RNGTT: variants seen among roughly 807,000 people sequenced by gnomAD.
The protein encoded by RNGTT is mRNA-capping enzyme.
Under a neutral mutation model 79.3 loss-of-function variants are expected in RNGTT, and 33 were observed. That is an observed-to-expected ratio of 0.42 (90% confidence interval 0.32 to 0.56). RNGTT has a LOEUF of 0.56. Ranked by LOEUF, RNGTT falls within the 20% of genes least tolerant of loss-of-function variation. RNGTT has a pLI of 0.17. For synonymous variants in RNGTT, 222 were observed against 235.9 expected (o/e 0.94, Z 0.54); for missense variants, 497 against 739.1 (o/e 0.67, Z 3.80).
In RNGTT at chr6:88,891,919, TAA is replaced by T; in HGVS notation, c.685-6_685-5del. ...CACCTTCCAAGAAAATAGCGCCCTT[TAA>T]AAAAAAAATAAGAAAAATAAGGGAA... On this transcript the variant is annotated splice_polypyrimidine_tract_variant and splice_region_variant and intron_variant, in intron 6 of 15. Transcript: ENST00000369485. 10 of 1,331,540 alleles carry T rather than the reference TAA, an allele frequency of 7.5e-6. No individual in the cohort carries two copies. Among genetic ancestry groups the T allele is most frequent in the Non-Finnish European group, 9.1e-6 (9 of 993,536 alleles). 82.5% of individuals were successfully genotyped at this position (1,331,540 alleles called of 1,614,324 possible). A position where few individuals can be genotyped will look rare whatever the true frequency, so the allele number is the denominator to read the frequency against.
At chr6:88,736,022 T>G (rs1777272951) in intron 13 of RNGTT, among the ~76,000 whole-genome samples, 1 of 152,034 alleles carries the variant, frequency 6.6e-6, no homozygotes, top group Non-Finnish European at 1.5e-5. Flanking sequence ...ACATGGATAT[T>G]AAAAGGATAA....
intron 1 of RNGTT, among the ~76,000 whole-genome samples, chr6:88,960,662 T>A (rs1785585716): frequency 6.6e-6 from 1 of 152,206 alleles, no homozygotes; most frequent in South Asian, 2.1e-4. Flanking sequence ...TCACCTGAAA[T>A]CTATTAACTC....
chr6:88,949,883 G>C (rs1785183879), intron 1 of RNGTT, among the ~76,000 whole-genome samples: 1 of 152,206 alleles, frequency 6.6e-6, no homozygotes. Context: ...TAAACAGCAG[G>C]ATTTCAGTGT....
At chr6:88,889,699 G>T (rs985203061) in intron 8 of RNGTT, among the ~76,000 whole-genome samples, 3 of 151,996 alleles carry the variant, frequency 2.0e-5, no homozygotes, top group Non-Finnish European at 4.4e-5. Context: ...AAAAAATATG[G>T]ATTACAAAAG....
At chr6:88,677,287 A>G (rs1054464228) in intron 14 of RNGTT, among the ~76,000 whole-genome samples, 7 of 117,742 alleles carry the variant, frequency 5.9e-5, no homozygotes, top group African/African-American at 2.2e-4. Flanking sequence ...GAGACCAGGA[A>G]AAAAAAAAAA....
chr6:88,769,859 G>A lies in RNGTT; in HGVS notation c.1354C>T (p.Arg452Ter), dbSNP rs752715222. 3 of 1,608,482 alleles carry A rather than the reference G, an allele frequency of 1.9e-6. No homozygotes were observed. Among genetic ancestry groups the A allele is most frequent in the South Asian group, 1.1e-5 (1 of 90,364 alleles). ...TTCCATTTCAAAATATCATCACATC[G>A]ACCAGGTTTGTATTTCTAAAGCCAA... ...FQPTGKYKPG[R>*]CDDILKWKPP... is the part of the protein sequence containing the mutation. The change falls in exon 13 of 16, where the codon CGA (arginine) becomes TGA (stop). Residue 452 changes from arginine to a stop codon, truncating the protein, a stop_gained. Coordinates refer to ENST00000369485, the MANE Select transcript of RNGTT (RefSeq NM_003800.5). LOFTEE classifies it high-confidence loss of function.
chr6:88,760,872 G>A (rs1026612600), intron 13 of RNGTT, among the ~76,000 whole-genome samples: 23 of 139,772 alleles, frequency 1.6e-4, no homozygotes, highest in Non-Finnish European at 3.3e-4. Flanking sequence ...ATGAGAAAAC[G>A]ATTTTTTTTT....
At chr6:88,753,390 C>G (rs1413787036) in intron 13 of RNGTT, among the ~76,000 whole-genome samples, 1 of 151,692 alleles carries the variant, frequency 6.6e-6, no homozygotes, top group Non-Finnish European at 1.5e-5. Flanking sequence ...GTAGTCCCAG[C>G]TACTCAGGAG....
At chr6:88,765,158 C>CTCCAG (rs1259464454) in intron 13 of RNGTT, among the ~76,000 whole-genome samples, 4 of 148,978 alleles carry the variant, frequency 2.7e-5, no homozygotes, top group South Asian at 2.1e-4. Flanking sequence ...CACCACTGCA[C>CTCCAG]TCCAGCCTGG....
intron 8 of RNGTT, among the ~76,000 whole-genome samples, chr6:88,883,312 G>A (rs999647825): frequency 3.3e-5 from 5 of 151,992 alleles, no homozygotes; most frequent in African/African-American, 1.2e-4. Flanking sequence ...GAGATACTAG[G>A]CCTTCCTTTT....
intron 10 of RNGTT, 130 bp downstream of exon 10, chr6:88,849,625 G>T (rs1781603547): frequency 3.0e-6 from 2 of 675,632 alleles, no homozygotes; most frequent in South Asian, 8.5e-5. Context: ...TTAAAAAAAA[G>T]ATTCCCAGTG....
chr6:88,790,476 T>C (rs539965838), intron 12 of RNGTT, among the ~76,000 whole-genome samples: 13 of 152,222 alleles, frequency 8.5e-5, no homozygotes, highest in African/African-American at 3.1e-4. Context: ...AAGTGAAAGT[T>C]TACCCAAGAG....
At position 88,611,577 on chromosome 6, in the gene RNGTT, TGTATAACAG is replaced by T. The variant is rs1772025830; in HGVS notation, c.*1133_*1141del. ...ATCAGTAAACATTTTAAAATTCAGA[TGTATAACAG>T]AAATAACATCCGCAGAATAGAATGT... On this transcript the variant is annotated 3_prime_UTR_variant, in exon 16 of 16. Coordinates refer to ENST00000369485, the MANE Select transcript of RNGTT (RefSeq NM_003800.5). 6.6e-6 allele frequency: 1 copy of T among 152,364 alleles called. No homozygotes were observed. Among genetic ancestry groups the T allele is most frequent in the Admixed American group, 6.5e-5 (1 of 15,270 alleles). 9.4% of individuals were successfully genotyped at this position (152,364 alleles called of 1,614,324 possible).
At chr6:88,791,388 C>T (rs1041257812) in intron 12 of RNGTT, among the ~76,000 whole-genome samples, 1 of 152,004 alleles carries the variant, frequency 6.6e-6, no homozygotes, top group Non-Finnish European at 1.5e-5. Context: ...ATCCGCCCAC[C>T]TCGGCCTCCC....
chr6:88,728,241 G>T (rs1247461998), intron 13 of RNGTT, among the ~76,000 whole-genome samples: 2 of 152,128 alleles, frequency 1.3e-5, no homozygotes, highest in African/African-American at 4.8e-5. Flanking sequence ...TCAAACTTTT[G>T]CATTTAATGC....
In RNGTT at chr6:88,728,900, T is replaced by C. The variant is rs1777010617; in HGVS notation, c.1439+40874A>G. ...AAATGCCTGGTTGAAATAGATCAAA[T>C]ATTCCCTCCGCACGTTAAACAAAAG... is the stretch of plus-strand genomic sequence containing the variant. On this transcript the variant is annotated intron_variant, in intron 13 of 15. Coordinates refer to ENST00000369485, the MANE Select transcript of RNGTT (RefSeq NM_003800.5). Among the ~76,000 whole-genome samples the C allele has an allele frequency of 2.0e-5, 3 of 152,192 alleles. No homozygotes were observed. In the South Asian group the frequency reaches 6.2e-4, roughly 31 times the overall value.
intron 14 of RNGTT, among the ~76,000 whole-genome samples, chr6:88,626,281 A>G (rs2127767499): frequency 6.6e-6 from 1 of 152,142 alleles, no homozygotes; most frequent in Non-Finnish European, 1.5e-5. Flanking sequence ...GATTTGTTTT[A>G]TTAACAAAAT....
intron 13 of RNGTT, among the ~76,000 whole-genome samples, chr6:88,740,762 G>C (rs775352585): frequency 6.6e-6 from 1 of 152,138 alleles, no homozygotes; most frequent in Non-Finnish European, 1.5e-5. Flanking sequence ...GGCCTGTTGA[G>C]GGGTGGAGGA....
intron 14 of RNGTT, among the ~76,000 whole-genome samples, chr6:88,616,639 A>G (rs1281882570): frequency 6.6e-6 from 1 of 152,088 alleles, no homozygotes; most frequent in Non-Finnish European, 1.5e-5. Flanking sequence ...TTTGCATTTC[A>G]CTAATGACTG....
Sources: gnomAD v4.1 joint callset for allele counts (sites outside exome capture counted in the v4.1 genomes callset) on GRCh38, gnomAD v4.1.1 for gene constraint, MANE v1.5 for transcripts, NCBI Gene and HGNC (gene_info 2026-07-23, HGNC 2026-07-21) for gene names.